NT5C1A: variants seen among roughly 807,000 people sequenced by gnomAD.
NT5C1A encodes 5'-nucleotidase, cytosolic IA, also known as cytosolic 5'-nucleotidase 1A.
Under a neutral mutation model 31.0 loss-of-function variants are expected in NT5C1A, and 18 were observed. The ratio of observed to expected loss-of-function variants is 0.58; its 90% CI spans 0.40 to 0.86. NT5C1A has a LOEUF of 0.86. Ranked by LOEUF, NT5C1A falls within the 40% of genes least tolerant of loss-of-function variation. The pLI, the probability that NT5C1A is intolerant of heterozygous loss-of-function variation, is 0.00. For synonymous variants in NT5C1A, 185 were observed against 203.6 expected (o/e 0.91, Z 0.78); for missense variants, 470 against 505.4 (o/e 0.93, Z 0.67).
chr1:39,659,361 C>T lies in NT5C1A; in HGVS notation c.867G>A (p.Gly289=). 2 of 1,613,860 alleles carry T rather than the reference C, an allele frequency of 1.2e-6. No individual in the cohort carries two copies. The highest frequency in any genetic ancestry group is 1.7e-6 in the Non-Finnish European group (2 of 1,180,022). ...LVTARSAASS[G]ARALKTLRSW... ...TGCGCAGGGTCTTGAGAGCCCGGGC[C>T]CCGGAACTGGCTGCACTGCGTGCTG... Residue 289 remains glycine, a synonymous_variant, in exon 6 of 6, where the codon GGG becomes GGA. Transcript: ENST00000235628.
Position 39,656,015 on chromosome 1 carries a change from T to C in NT5C1A, c.*3106A>G, listed in dbSNP as rs1435871548. ...TATATCCCCACTACTCTGATTGGGC[T>C]CTCAGATAGGAGAGGGGGATGTTTT... On this transcript the variant is annotated 3_prime_UTR_variant, in exon 6 of 6. Coordinates refer to ENST00000235628, the MANE Select transcript of NT5C1A (RefSeq NM_032526.3). 6.6e-6 allele frequency among the ~76,000 whole-genome samples: 1 copy of C among 152,184 alleles called. No individual in the cohort carries two copies. Among genetic ancestry groups the C allele is most frequent in the East Asian group, 1.9e-4 (1 of 5,204 alleles).
At chr1:39,660,933 G>A (rs1383214751) in intron 5 of NT5C1A, 146 bp downstream of exon 5, 2 of 576,802 alleles carry the variant, frequency 3.5e-6, no homozygotes, top group Non-Finnish European at 6.4e-6. Flanking sequence ...TGGGGGGTCA[G>A]TGGTCAAGTG....
At position 39,672,074 on chromosome 1, in the gene NT5C1A, G is replaced by GA; in HGVS notation, c.-37_-36insT. On this transcript the variant is annotated 5_prime_UTR_variant, in exon 1 of 6. Coordinates refer to ENST00000235628, the MANE Select transcript of NT5C1A (RefSeq NM_032526.3). ...TGACCCGGCCCGGCCAGAGCAGGCG[G>GA]CGGCGTAGACGCGGAGGTGGCTGGG... is the stretch of plus-strand genomic sequence containing the variant. 1 of 1,529,302 alleles carries GA rather than the reference G, an allele frequency of 6.5e-7. No homozygotes were observed. Among genetic ancestry groups the GA allele is most frequent in the South Asian group, 1.2e-5 (1 of 81,680 alleles). The allele number at this position is 1,529,302 out of a possible 1,614,324, so 94.7% of individuals were successfully genotyped here.
intron 5 of NT5C1A, among the ~76,000 whole-genome samples, chr1:39,660,549 C>G (rs1287158689): frequency 2.0e-5 from 3 of 152,158 alleles, no homozygotes; most frequent in Non-Finnish European, 4.4e-5. Context: ...GATCTCCCTA[C>G]CCCAATGAGG....
In NT5C1A at chr1:39,653,542, C is replaced by T. The variant is rs1004519390; in HGVS notation, c.*5579G>A. On this transcript the variant is annotated 3_prime_UTR_variant, in exon 6 of 6. Transcript: ENST00000235628. ...CGGCAAGAGCAATCGGCTCGTCACTCGGGCATATTTAGCAAACATTTCCAG... is the reference window on the plus strand; with the variant it reads ...CGGCAAGAGCAATCGGCTCGTCACTTGGGCATATTTAGCAAACATTTCCAG... Among the ~76,000 whole-genome samples, 7 of 152,178 alleles carry T rather than the reference C, an allele frequency of 4.6e-5. No individual in the cohort carries two copies. The highest frequency in any genetic ancestry group is 1.9e-4 in the East Asian group (1 of 5,196).
chr1:39,670,223 C>T (rs762125535), intron 1 of NT5C1A, among the ~76,000 whole-genome samples: 25 of 152,150 alleles, frequency 1.6e-4, no homozygotes, highest in Non-Finnish European at 2.8e-4. Context: ...CTTCAGCATC[C>T]GGCCAAGTTG....
chr1:39,671,579 C>A (rs1535031), intron 1 of NT5C1A, among the ~76,000 whole-genome samples: 29,619 of 152,150 alleles, frequency 0.19, 3,212 homozygotes, highest in East Asian at 0.4. Context: ...GGAAGCGCTG[C>A]GGACCAGCTT....
chr1:39,653,211 C>A lies in NT5C1A; in HGVS notation c.*5910G>T, dbSNP rs1646442175. On this transcript the variant is annotated 3_prime_UTR_variant, in exon 6 of 6. Coordinates refer to ENST00000235628, the MANE Select transcript of NT5C1A (RefSeq NM_032526.3). ...GGAGGCAGAGGGTTAGGAGCCAAGA[C>A]TTTCTTGGCCAGAGGTTGGGGGCTG... is the stretch of plus-strand genomic sequence containing the variant. Among the ~76,000 whole-genome samples, 1 of 151,714 alleles carries A rather than the reference C, an allele frequency of 6.6e-6. No homozygotes were observed. Among genetic ancestry groups the A allele is most frequent in the South Asian group, 2.1e-4 (1 of 4,800 alleles).
In NT5C1A at chr1:39,659,215, T is replaced by G. The variant is rs1257891592; in HGVS notation, c.1013A>C (p.Gln338Pro). Residue 338 changes from glutamine to proline, a missense_variant, in exon 6 of 6, where the codon CAG becomes CCG. Coordinates refer to ENST00000235628, the MANE Select transcript of NT5C1A (RefSeq NM_032526.3). Reference protein sequence around the residue: ...DDQMFHVAGAQEMGTVAAHVP... With the variant: ...DDQMFHVAGAPEMGTVAAHVP... ...ATGGGCGGCCACAGTGCCCATCTCC[T>G]GAGCCCCAGCCACATGGAACATCTG... 6.2e-7 allele frequency: 1 copy of G among 1,614,116 alleles called. No individual in the cohort carries two copies. Among genetic ancestry groups the G allele is most frequent in the Non-Finnish European group, 8.5e-7 (1 of 1,180,042 alleles).
intron 5 of NT5C1A, among the ~76,000 whole-genome samples, chr1:39,659,963 T>G (rs1646484785): frequency 6.6e-6 from 1 of 152,198 alleles, no homozygotes; most frequent in Non-Finnish European, 1.5e-5. Context: ...GGTGTCATCC[T>G]CAAGCACTCT....
rs1646473700 is a variant in NT5C1A, at chr1:39,658,319, T to G, written c.*802A>C. Among the ~76,000 whole-genome samples the G allele has an allele frequency of 6.6e-6, 1 of 152,216 alleles. No homozygotes were observed. Among genetic ancestry groups the G allele is most frequent in the Admixed American group, 6.5e-5 (1 of 15,284 alleles). ...CAGGTTAGAGAATCACATGAGCAGA[T>G]AGGTCATCTTGTCCAGTGGTTTCAA... is the stretch of plus-strand genomic sequence containing the variant. On this transcript the variant is annotated 3_prime_UTR_variant, in exon 6 of 6. Transcript: ENST00000235628.
Position 39,653,793 on chromosome 1 carries a change from T to C in NT5C1A, c.*5328A>G, listed in dbSNP as rs1410906614. On this transcript the variant is annotated 3_prime_UTR_variant, in exon 6 of 6. Coordinates refer to ENST00000235628, the MANE Select transcript of NT5C1A (RefSeq NM_032526.3). ...ATCTGGGAAGCCGCCAGCCACACGA[T>C]GCTATTCATCCACCTCCTTGTGTTC... 6.6e-6 allele frequency among the ~76,000 whole-genome samples: 1 copy of C among 152,234 alleles called. No homozygotes were observed. The highest frequency in any genetic ancestry group is 1.9e-4 in the East Asian group (1 of 5,204).
At chr1:39,671,798 C>T (rs1646553538) in intron 1 of NT5C1A, 106 bp downstream of exon 1, 3 of 1,339,940 alleles carry the variant, frequency 2.2e-6, no homozygotes, top group South Asian at 1.3e-5. Context: ...TGAGGAGCTG[C>T]GTCCCCTCCC....
Position 39,654,617 on chromosome 1 carries a change from C to T in NT5C1A, c.*4504G>A, listed in dbSNP as rs1646450175. ...GTGCATCAACAAAACTGCAAATTAC[C>T]ATGAGCCATGGGTCGCTTGAAAATA... On this transcript the variant is annotated 3_prime_UTR_variant, in exon 6 of 6. Coordinates refer to ENST00000235628, the MANE Select transcript of NT5C1A (RefSeq NM_032526.3). Among the ~76,000 whole-genome samples, 1 of 152,206 alleles carries T rather than the reference C, an allele frequency of 6.6e-6. No individual in the cohort carries two copies. The highest frequency in any genetic ancestry group is 1.5e-5 in the Non-Finnish European group (1 of 68,044).
At chr1:39,665,461 C>A in intron 3 of NT5C1A, 60 bp downstream of exon 3, 1 of 1,529,782 alleles carries the variant, frequency 6.5e-7, no homozygotes, top group Non-Finnish European at 8.8e-7. Flanking sequence ...TGGCCCCATC[C>A]CTGGGGGGTC....
chr1:39,651,849 G>T lies in NT5C1A; in HGVS notation c.*7272C>A, dbSNP rs1646434183. 6.6e-6 allele frequency among the ~76,000 whole-genome samples: 1 copy of T among 151,598 alleles called. No homozygotes were observed. Among genetic ancestry groups the T allele is most frequent in the Non-Finnish European group, 1.5e-5 (1 of 67,918 alleles). ...GTTCGAGACCAGCCTGGCCAATATGGTGAAACCCCATCTCTACTAAAAATA... is the reference window on the plus strand; with the variant it reads ...GTTCGAGACCAGCCTGGCCAATATGTTGAAACCCCATCTCTACTAAAAATA... On this transcript the variant is annotated 3_prime_UTR_variant, in exon 6 of 6. Coordinates refer to ENST00000235628, the MANE Select transcript of NT5C1A (RefSeq NM_032526.3).
Position 39,655,608 on chromosome 1 carries a change from T to C in NT5C1A, c.*3513A>G, listed in dbSNP as rs1219042126. On this transcript the variant is annotated 3_prime_UTR_variant, in exon 6 of 6. Coordinates refer to ENST00000235628, the MANE Select transcript of NT5C1A (RefSeq NM_032526.3). The stretch of plus-strand genomic sequence containing the variant: ...ACAAAATGGTTGAAAACCTGGGTCC[T>C]AGAATCAGATGGACATGAGTTTGAG... Among the ~76,000 whole-genome samples the C allele has an allele frequency of 1.3e-5, 2 of 152,154 alleles. No homozygotes were observed. Among genetic ancestry groups the C allele is most frequent in the Non-Finnish European group, 1.5e-5 (1 of 68,030 alleles).
In NT5C1A at chr1:39,659,403, A is replaced by C; in HGVS notation, c.825T>G (p.Ile275Met). The change falls in exon 6 of 6, where the codon ATT becomes ATG. Residue 275 changes from isoleucine (I) to methionine (M), a missense_variant. Transcript: ENST00000235628. ...TGCGTGCTGTCACCAAGTAGGTACGAATTGGGCACTCCAGCCGCAGGCCTT... is the reference window on the plus strand; with the variant it reads ...TGCGTGCTGTCACCAAGTAGGTACGCATTGGGCACTCCAGCCGCAGGCCTT... Reference protein sequence around the residue: ...YSKGLRLECPIRTYLVTARSA... With the variant: ...YSKGLRLECPMRTYLVTARSA... The C allele has an allele frequency of 6.2e-7, 1 of 1,613,450 alleles. No individual in the cohort carries two copies. The highest frequency in any genetic ancestry group is 8.5e-7 in the Non-Finnish European group (1 of 1,179,812).
chr1:39,671,908 T>A lies in NT5C1A; in HGVS notation c.131A>T (p.Lys44Ile). The change falls in exon 1 of 6, where the codon AAA (lysine) becomes ATA (isoleucine). Residue 44 changes from lysine to isoleucine, a missense_variant. Lys to Ile is a moderately radical substitution (Grantham distance 102). Coordinates refer to ENST00000235628, the MANE Select transcript of NT5C1A (RefSeq NM_032526.3). ...ATACCCGTGCATTGCTTTTACCGAT[T>A]TGGGTTTCTTCTTGGGCGCGAGGTT... ...YDNLAPKKKPKSPKPQNAVTI... is the reference protein window; with the variant it reads ...YDNLAPKKKPISPKPQNAVTI... 1.2e-6 allele frequency: 2 copies of A among 1,613,416 alleles called. No homozygotes were observed. The highest frequency in any genetic ancestry group is 1.7e-6 in the Non-Finnish European group (2 of 1,179,830).
Sources: gnomAD v4.1 joint callset for allele counts (sites outside exome capture counted in the v4.1 genomes callset) on GRCh38, gnomAD v4.1.1 for gene constraint, MANE v1.5 for transcripts, NCBI Gene and HGNC (gene_info 2026-07-23, HGNC 2026-07-21) for gene names.